DNAAF9: variants seen among roughly 807,000 people sequenced by gnomAD.
The protein encoded by DNAAF9 is dynein axonemal assembly factor 9, also known as shulin.
In DNAAF9, 90 loss-of-function variants were observed where a neutral mutation model predicts 167.0. The ratio of observed to expected loss-of-function variants is 0.54; its 90% CI spans 0.45 to 0.64. The LOEUF (loss-of-function observed/expected upper bound fraction) is 0.64. DNAAF9 is among the 30% of genes least tolerant of loss of function. The pLI is 0.00. For missense variants in DNAAF9, 1,315 were observed against 1,442.2 expected, an observed-to-expected ratio of 0.91 and a Z score of 1.43; for synonymous variants, 491 against 508.8, an observed-to-expected ratio of 0.96 and a Z score of 0.47.
chr20:3,273,483 AG>A (rs1396202367), intron 29 of DNAAF9, among the ~76,000 whole-genome samples: 32 of 152,126 alleles, frequency 2.1e-4, no homozygotes, highest in Admixed American at 2.1e-3. Context: ...GGGAGGCCTC[AG>A]GAAGCTTAAG....
intron 20 of DNAAF9, among the ~76,000 whole-genome samples, chr20:3,311,987 TTTTTTTTC>T (rs929098324): frequency 8.4e-6 from 1 of 118,466 alleles, no homozygotes; most frequent in African/African-American, 3.0e-5. Flanking sequence ...CTCTTTTTTC[TTTTTTTTC>T]TTTTTTTTTT....
At chr20:3,395,010 C>T (rs1360203349) in intron 1 of DNAAF9, among the ~76,000 whole-genome samples, 1 of 129,270 alleles carries the variant, frequency 7.7e-6, no homozygotes, top group African/African-American at 3.1e-5. Flanking sequence ...CTCTGTCGCC[C>T]AGGCTGGAGT....
At chr20:3,288,223 G>A (rs1476736007) in intron 26 of DNAAF9, among the ~76,000 whole-genome samples, 1 of 152,246 alleles carries the variant, frequency 6.6e-6, no homozygotes, top group East Asian at 1.9e-4. Flanking sequence ...GCCGAGGCGG[G>A]CGGATCACCT....
intron 26 of DNAAF9, 35 bp from the exon 27 acceptor site, chr20:3,287,825 C>T: frequency 6.3e-7 from 1 of 1,597,290 alleles, no homozygotes; most frequent in Non-Finnish European, 8.6e-7. Flanking sequence ...GCATGGGGGC[C>T]ACCTGATGGC....
At chr20:3,361,201 G>A (rs537779201) in intron 6 of DNAAF9, among the ~76,000 whole-genome samples, 5 of 152,250 alleles carry the variant, frequency 3.3e-5, no homozygotes, top group South Asian at 2.1e-4. Flanking sequence ...AGCACCCCTC[G>A]ATAAAGGTGG....
chr20:3,403,496 G>A (rs2084016253), intron 1 of DNAAF9, among the ~76,000 whole-genome samples: 1 of 149,226 alleles, frequency 6.7e-6, no homozygotes, highest in Non-Finnish European at 1.5e-5. Flanking sequence ...ATGAATTGTT[G>A]GCATTGCTCC....
At chr20:3,310,377 G>GAAAGAAAGAAAGAAAGAAAGAAAGAA (rs2069390474) in intron 20 of DNAAF9, among the ~76,000 whole-genome samples, 1 of 150,976 alleles carries the variant, frequency 6.6e-6, no homozygotes, top group Non-Finnish European at 1.5e-5. Context: ...AAGAAAGAAA[G>GAAAGAAAGAAAGAAAGAAAGAAAGAA]AAAGAAAGAA....
intron 30 of DNAAF9, among the ~76,000 whole-genome samples, chr20:3,266,412 T>C (rs1202619023): frequency 1.3e-5 from 2 of 152,240 alleles, no homozygotes; most frequent in Non-Finnish European, 2.9e-5. Context: ...CATTGATCGT[T>C]CCCTAAATCA....
intron 35 of DNAAF9, among the ~76,000 whole-genome samples, chr20:3,254,667 T>C (rs1352617723): frequency 6.6e-6 from 1 of 152,178 alleles, no homozygotes; most frequent in Non-Finnish European, 1.5e-5. Context: ...CACCTGCTCA[T>C]TACTGGCATC....
chr20:3,264,387 A>G (rs2068448427), intron 31 of DNAAF9, 51 bp downstream of exon 31: 1 of 843,336 alleles, frequency 1.2e-6, no homozygotes, highest in Non-Finnish European at 2.0e-6. Context: ...AAATAAATAA[A>G]TCATTGGGTT....
intron 25 of DNAAF9, among the ~76,000 whole-genome samples, chr20:3,293,750 G>C (rs1380839868): frequency 6.6e-6 from 1 of 151,740 alleles, no homozygotes; most frequent in Non-Finnish European, 1.5e-5. Context: ...TTCCGGCAAG[G>C]CCTGAATAAC....
chr20:3,279,695 G>A (rs117717743), intron 28 of DNAAF9, among the ~76,000 whole-genome samples: 1 of 152,202 alleles, frequency 6.6e-6, no homozygotes, highest in Non-Finnish European at 1.5e-5. Context: ...CGTCCTGTCT[G>A]CTCTGTGCCT....
intron 9 of DNAAF9, among the ~76,000 whole-genome samples, chr20:3,341,574 T>C (rs956821441): frequency 1.3e-5 from 2 of 152,198 alleles, no homozygotes; most frequent in African/African-American, 4.8e-5. Context: ...AAGGCCTCCT[T>C]GACTTCTGCT....
chr20:3,381,624 GC>G, intron 2 of DNAAF9, 126 bp from the exon 3 acceptor site: 1 of 854,770 alleles, frequency 1.2e-6, no homozygotes, highest in Non-Finnish European at 1.7e-6. Flanking sequence ...CCAGTTTTGT[GC>G]CAGAAACCAA....
intron 31 of DNAAF9, among the ~76,000 whole-genome samples, chr20:3,260,271 G>GGAGCTTGCAGTGAGGC (rs1193911881): frequency 6.6e-6 from 1 of 152,058 alleles, no homozygotes; most frequent in Non-Finnish European, 1.5e-5. Context: ...CCCGGGAAGC[G>GGAGCTTGCAGTGAGGC]GAGCTTGCAG....
chr20:3,366,612 C>G (rs774129661), intron 6 of DNAAF9, among the ~76,000 whole-genome samples: 9 of 152,152 alleles, frequency 5.9e-5, no homozygotes, highest in Admixed American at 2.6e-4. Flanking sequence ...AAACTAGGCA[C>G]TGACTTCTCT....
At chr20:3,285,180 G>A (rs1310232811) in intron 27 of DNAAF9, among the ~76,000 whole-genome samples, 6 of 152,128 alleles carry the variant, frequency 3.9e-5, no homozygotes, top group Non-Finnish European at 8.8e-5. Context: ...AAATTGAGTG[G>A]CATCAGGCCA....
intron 16 of DNAAF9, among the ~76,000 whole-genome samples, chr20:3,319,552 C>A (rs1405356569): frequency 6.6e-6 from 1 of 152,138 alleles, no homozygotes; most frequent in African/African-American, 2.4e-5. Flanking sequence ...AAGGACCTGT[C>A]CCCTCCTACC....
rs144898452 is a variant in DNAAF9 at position 3,285,941 on chromosome 20, C to T, written c.2486+1691G>A. The stretch of plus-strand genomic sequence containing the variant: ...GTTGCAGTGAGCTGAGATTGCACCA[C>T]TGCACTCCAGCCTGGGCAACAGAGC... On this transcript the variant is annotated intron_variant, in intron 27 of 36. Coordinates refer to ENST00000252032, the MANE Select transcript of DNAAF9 (RefSeq NM_001009984.3). Among the ~76,000 whole-genome samples, 384 of 148,420 alleles carry T rather than the reference C, an allele frequency of 2.6e-3. 3 individuals are homozygous for T. Among genetic ancestry groups the T allele is most frequent in the East Asian group, 0.018 (89 of 4,988 alleles).
Sources: allele counts gnomAD v4.1 joint callset (sites outside exome capture counted in the v4.1 genomes callset), GRCh38; gene constraint gnomAD v4.1.1; transcripts MANE v1.5; gene names NCBI Gene and HGNC (gene_info 2026-07-23, HGNC 2026-07-21).